The following FNBP1 variants were observed in gnomAD, a reference collection of about 807,000 sequenced individuals.
FNBP1 encodes formin-binding protein 1.
In FNBP1, 26 loss-of-function variants were observed where a neutral mutation model predicts 90.6. That is an observed-to-expected ratio of 0.29 (90% CI 0.21 to 0.40). The LOEUF (loss-of-function observed/expected upper bound fraction) is 0.40. Among genes scored for constraint, FNBP1 ranks in the 10% least tolerant of loss-of-function variants. The pLI is 1.00. For synonymous variants in FNBP1, 260 were observed against 265.2 expected, an observed-to-expected ratio of 0.98 and a Z score of 0.19; for missense variants, 635 against 768.0, an observed-to-expected ratio of 0.83 and a Z score of 2.05.
intron 11 of FNBP1, chr9:129,915,071 T>C (rs1588507691): frequency 4.4e-6 from 1 of 226,480 alleles, no homozygotes; most frequent in East Asian, 1.2e-4. Context: ...CTAAAAAGGC[T>C]TAGGAGGCTC....
At chr9:130,046,318 A>G (rs1392706484), upstream of FNBP1, among the ~76,000 whole-genome samples, 3 of 152,094 alleles carry the variant, frequency 2.0e-5, no homozygotes, top group Non-Finnish European at 4.4e-5. Context: ...GAGGCGCTGA[A>G]AGTTAAGTTG....
chr9:129,982,515 C>T (rs902205712), intron 2 of FNBP1, among the ~76,000 whole-genome samples: 18 of 151,962 alleles, frequency 1.2e-4, no homozygotes, highest in African/African-American at 3.1e-4. Flanking sequence ...GGGAAATGTG[C>T]GCAAAACAGA....
intron 1 of FNBP1, among the ~76,000 whole-genome samples, chr9:130,028,197 G>C (rs2132080758): frequency 6.6e-6 from 1 of 152,338 alleles, no homozygotes; most frequent in East Asian, 1.9e-4. Context: ...TGTAAGATGA[G>C]CAATGTGGGA....
chr9:129,900,090 C>G lies in FNBP1; in HGVS notation c.1562G>C (p.Ser521Thr). 1 of 1,610,818 alleles carries G rather than the reference C, an allele frequency of 6.2e-7. No homozygotes were observed. The highest frequency in any genetic ancestry group is 8.5e-7 in the Non-Finnish European group (1 of 1,178,568). Reference protein sequence around the residue: ...CAQDRESPDGSYTEEQSQESE... With the variant: ...CAQDRESPDGTYTEEQSQESE... The stretch of plus-strand genomic sequence containing the variant: ...CTCCTGACTCTGCTCCTCTGTGTAA[C>G]TGCCATCTGGGCTGCTCAAGAAAGG... Residue 521 changes from serine to threonine, a missense_variant, in exon 15 of 17, where the codon AGT (serine) becomes ACT (threonine). Coordinates refer to ENST00000446176, the MANE Select transcript of FNBP1 (RefSeq NM_015033.3). This position sits in a 1 kb window ranked among gnomAD's most constrained non-coding sequence, Gnocchi z 4.1.
rs1332605447 is a variant in FNBP1 at position 129,957,858 on chromosome 9, A to G, written c.409-394T>C. ...GTGAGCCAATGTGTCTGGCCCAAGA[A>G]TACTCTTCTCTGAATTGATTTCTTA... On this transcript the variant is annotated intron_variant, in intron 5 of 16. Transcript: ENST00000446176. This position sits in a 1 kb window ranked among gnomAD's most constrained non-coding sequence, Gnocchi z 4.3. Among the ~76,000 whole-genome samples, 2 of 152,222 alleles carry G rather than the reference A, an allele frequency of 1.3e-5. No individual in the cohort carries two copies. The highest frequency in any genetic ancestry group is 2.9e-5 in the Non-Finnish European group (2 of 68,036).
intron 16 of FNBP1, among the ~76,000 whole-genome samples, chr9:129,893,977 C>A (rs183177555): frequency 1.3e-4 from 20 of 151,344 alleles, no homozygotes; most frequent in Middle Eastern, 3.5e-3. Context: ...GGTTAACTGG[C>A]TGTGAGAATC....
intron 13 of FNBP1, among the ~76,000 whole-genome samples, chr9:129,901,846 A>G (rs1289210778): frequency 6.6e-6 from 1 of 152,188 alleles, no homozygotes; most frequent in Non-Finnish European, 1.5e-5. Flanking sequence ...TGGGAAGTGG[A>G]GGTCACACTG....
the FNBP1 span, among the ~76,000 whole-genome samples, chr9:130,049,042 G>A: frequency 6.6e-6 from 1 of 151,812 alleles, no homozygotes; most frequent in Admixed American, 6.6e-5. Flanking sequence ...GCCTCCCAAA[G>A]TGCTGGGATT....
chr9:129,929,714 A>G lies in FNBP1; in HGVS notation c.514-19T>C, dbSNP rs2042436211. 7 of 1,613,578 alleles carry G rather than the reference A, an allele frequency of 4.3e-6. No individual in the cohort carries two copies. Among genetic ancestry groups the G allele is most frequent in the Non-Finnish European group, 5.9e-6 (7 of 1,179,518 alleles). On this transcript the variant is annotated intron_variant, in intron 6 of 16. Transcript: ENST00000446176. ...GTCGGGCCTTAGGGCAAAAACAAGA[A>G]TACTCCTACGTTTATACACCATAGA...
chr9:129,933,505 T>C (rs2043043019), intron 6 of FNBP1: 1 of 152,150 alleles, frequency 6.6e-6, no homozygotes, highest in Admixed American at 6.6e-5. Context: ...CTTTGCCCTG[T>C]TTCTATGCAG....
chr9:129,983,780 C>T (rs1241226453), intron 2 of FNBP1, among the ~76,000 whole-genome samples: 3 of 152,122 alleles, frequency 2.0e-5, no homozygotes, highest in African/African-American at 7.2e-5. Context: ...CACTGCACTC[C>T]AGCCTGGGTG....
intron 4 of FNBP1, among the ~76,000 whole-genome samples, chr9:129,977,154 G>A (rs2181292): frequency 0.75 from 113,175 of 150,692 alleles, 43,179 homozygotes; most frequent in East Asian, 0.9. Context: ...GTGAAACTCC[G>A]TCTCAAAAAA....
At position 129,974,043 on chromosome 9, in the gene FNBP1, G is replaced by A. The variant is rs142272686; in HGVS notation, c.345+4422C>T. ...TTCATCACGTTGCCAGGCTGGTCTC[G>A]AACTTCTGACCTCAAGTGATCTGCC... On this transcript the variant is annotated intron_variant, in intron 4 of 16. Coordinates refer to ENST00000446176, the MANE Select transcript of FNBP1 (RefSeq NM_015033.3). Among the ~76,000 whole-genome samples, 511 of 151,866 alleles carry A rather than the reference G, an allele frequency of 3.4e-3. 3 individuals carry two copies. The highest frequency in any genetic ancestry group is 0.011 in the African/African-American group (458 of 41,434).
At chr9:130,038,073 G>A (rs2059482793) in intron 1 of FNBP1, among the ~76,000 whole-genome samples, 1 of 152,058 alleles carries the variant, frequency 6.6e-6, no homozygotes, top group Non-Finnish European at 1.5e-5. Flanking sequence ...ACATACAGTC[G>A]GCCGGGCGCG....
rs761428472 is a variant in FNBP1, at chr9:130,031,183, T to C, written c.24+11769A>G. Among the ~76,000 whole-genome samples, 28 of 152,138 alleles carry C rather than the reference T, an allele frequency of 1.8e-4. No homozygotes were observed. Among genetic ancestry groups the C allele is most frequent in the African/African-American group, 6.8e-4 (28 of 41,420 alleles). On this transcript the variant is annotated intron_variant, in intron 1 of 16. Coordinates refer to ENST00000446176, the MANE Select transcript of FNBP1 (RefSeq NM_015033.3). The surrounding 1 kb of genome is among the most constrained non-coding windows in gnomAD (Gnocchi z 4.2). Reference sequence around the variant, plus strand: ...CATATAAACAGGTTGAGAAATGCAATAGATAGAAAGGCTCTCTACTGAAAC... The same window carrying C: ...CATATAAACAGGTTGAGAAATGCAACAGATAGAAAGGCTCTCTACTGAAAC...
chr9:129,900,121 A>C lies in FNBP1; in HGVS notation c.1551-20T>G, dbSNP rs1564264933. On this transcript the variant is annotated intron_variant, in intron 14 of 16. Coordinates refer to ENST00000446176, the MANE Select transcript of FNBP1 (RefSeq NM_015033.3). This position sits in a 1 kb window ranked among gnomAD's most constrained non-coding sequence, Gnocchi z 4.1. The stretch of plus-strand genomic sequence containing the variant: ...TCTGGGCTGCTCAAGAAAGGAAAAC[A>C]CAAAGCAACTAAAGCGACTGACCCC... 1.3e-6 allele frequency: 2 copies of C among 1,587,698 alleles called. No homozygotes were observed. The highest frequency in any genetic ancestry group is 2.7e-5 in the African/African-American group (2 of 73,688).
intron 11 of FNBP1, among the ~76,000 whole-genome samples, chr9:129,912,344 TA>T (rs1334153299): frequency 6.6e-6 from 1 of 152,150 alleles, no homozygotes; most frequent in Non-Finnish European, 1.5e-5. Flanking sequence ...GAGAATTTTT[TA>T]AAAGCTGGAA....
At position 129,909,747 on chromosome 9, in the gene FNBP1, C is replaced by T. The variant is rs189952597; in HGVS notation, c.1186-748G>A. Among the ~76,000 whole-genome samples, 1,111 of 152,260 alleles carry T rather than the reference C, an allele frequency of 7.3e-3. 8 individuals carry two copies. The highest frequency in any genetic ancestry group is 0.026 in the African/African-American group (1,061 of 41,554). ...CAAGCGATTCTCCTGCCTCAGCCTC[C>T]TAAGTAGCTGGGACTACAGGCATGT... On this transcript the variant is annotated intron_variant, in intron 11 of 16. Transcript: ENST00000446176.
intron 2 of FNBP1, among the ~76,000 whole-genome samples, chr9:129,993,062 A>C (rs1445410592): frequency 6.6e-6 from 1 of 151,174 alleles, no homozygotes; most frequent in East Asian, 2.0e-4. Context: ...CACTCTCTCT[A>C]CTAAAAATAC....
Sources: allele counts gnomAD v4.1 joint callset (sites outside exome capture counted in the v4.1 genomes callset), GRCh38; gene constraint gnomAD v4.1.1; non-coding constraint Gnocchi (gnomAD v3.1); transcripts MANE v1.5; gene names NCBI Gene and HGNC (gene_info 2026-07-23, HGNC 2026-07-21).